Variants in CAMTA1 observed in about 807,000 individuals in gnomAD.
The protein encoded by CAMTA1 is calmodulin-binding transcription activator 1.
CAMTA1 carries 27 observed loss-of-function variants against 170.9 expected under a neutral mutation model. The observed-to-expected ratio is 0.16, with a 90% CI of 0.12 to 0.22. The LOEUF is 0.22. Among genes scored for constraint, CAMTA1 ranks in the 10% least tolerant of loss-of-function variants. The pLI is 1.00. For missense variants in CAMTA1, 1,619 were observed against 2,217.2 expected (o/e 0.73, Z 5.42); for synonymous variants, 833 against 891.5 (o/e 0.93, Z 1.17).
At chr1:7,313,815 T>C (rs994796024) in intron 5 of CAMTA1, among the ~76,000 whole-genome samples, 2 of 152,154 alleles carry the variant, frequency 1.3e-5, no homozygotes, top group African/African-American at 4.8e-5. Context: ...AGACAGTGCC[T>C]GTGAAAAGGC....
intron 4 of CAMTA1, among the ~76,000 whole-genome samples, chr1:7,210,932 A>G (rs1043848020): frequency 2.6e-5 from 4 of 152,228 alleles, no homozygotes; most frequent in African/African-American, 9.6e-5. Flanking sequence ...AGCCCTTTCA[A>G]TTTGGCTACT....
chr1:6,991,999 G>T (rs1448104522), intron 3 of CAMTA1, among the ~76,000 whole-genome samples: 1 of 151,834 alleles, frequency 6.6e-6, no homozygotes, highest in Admixed American at 6.6e-5. Flanking sequence ...ACTGTGCCCG[G>T]CTTTTGTTTA....
At position 7,011,331 on chromosome 1, in the gene CAMTA1, C is replaced by A. The variant is rs114970437; in HGVS notation, c.235-79973C>A. 5.3e-3 allele frequency among the ~76,000 whole-genome samples: 810 copies of A among 152,290 alleles called. 8 individuals are homozygous for A. The highest frequency in any genetic ancestry group is 0.018 in the African/African-American group (762 of 41,552). On this transcript the variant is annotated intron_variant, in intron 3 of 22. Coordinates refer to ENST00000303635, the MANE Select transcript of CAMTA1 (RefSeq NM_015215.4). Reference sequence around the variant, plus strand: ...ATGATGCTGGGATTACATGCATGAGCTACTGTGCCCTGCCTGGATTGTAAC... The same window carrying A: ...ATGATGCTGGGATTACATGCATGAGATACTGTGCCCTGCCTGGATTGTAAC...
At chr1:7,655,980 G>A (rs2095899731) in intron 7 of CAMTA1, among the ~76,000 whole-genome samples, 1 of 152,218 alleles carries the variant, frequency 6.6e-6, no homozygotes. Context: ...CCCCATGGGA[G>A]GGATTAAACT....
intron 3 of CAMTA1, among the ~76,000 whole-genome samples, chr1:6,988,388 C>T (rs777708380): frequency 3.5e-4 from 54 of 152,288 alleles, no homozygotes; most frequent in African/African-American, 9.6e-4. Context: ...ACTATTGAAA[C>T]GAGCCTTTCA....
intron 3 of CAMTA1, among the ~76,000 whole-genome samples, chr1:6,961,874 ACGGC>A (rs1690476237): frequency 3.9e-5 from 6 of 152,060 alleles, no homozygotes; most frequent in Admixed American, 6.5e-5. Context: ...CCCTGGGAGG[ACGGC>A]CAGAGTGCGC....
Position 7,563,771 on chromosome 1 carries a change from CT to C in CAMTA1, c.511-76628del, listed in dbSNP as rs2094995138. On this transcript the variant is annotated intron_variant, in intron 6 of 22. Coordinates refer to ENST00000303635, the MANE Select transcript of CAMTA1 (RefSeq NM_015215.4). The stretch of plus-strand genomic sequence containing the variant: ...CAGCGACTTGTTGAATGCTATATGG[CT>C]CTGCAAAGTAGAGGCTCCTGCATTT... Among the ~76,000 whole-genome samples the C allele has an allele frequency of 7.2e-5, 11 of 152,316 alleles. No individual in the cohort carries two copies. In the South Asian group the frequency reaches 2.3e-3, roughly 32 times the overall value.
At chr1:6,896,114 C>G (rs1675618530) in intron 3 of CAMTA1, among the ~76,000 whole-genome samples, 1 of 152,120 alleles carries the variant, frequency 6.6e-6, no homozygotes, top group South Asian at 2.1e-4. Flanking sequence ...CAAATTCTTG[C>G]CCACATTTTT....
intron 6 of CAMTA1, among the ~76,000 whole-genome samples, chr1:7,543,948 C>G (rs2094650691): frequency 6.6e-6 from 1 of 151,952 alleles, no homozygotes; most frequent in Admixed American, 6.6e-5. Flanking sequence ...TTAAACCAAG[C>G]TTAGTTTAAT....
At chr1:7,347,725 C>T (rs74052951) in intron 5 of CAMTA1, among the ~76,000 whole-genome samples, 4,629 of 151,654 alleles carry the variant, frequency 0.031, 162 homozygotes, top group African/African-American at 0.084. Flanking sequence ...CAATCCAGGA[C>T]CCCCCCGGCT....
At chr1:6,885,774 C>A (rs1352164099) in intron 3 of CAMTA1, among the ~76,000 whole-genome samples, 2 of 152,186 alleles carry the variant, frequency 1.3e-5, no homozygotes, top group African/African-American at 2.4e-5. Context: ...CATGCCCCAC[C>A]CAGCTGCATC....
At chr1:7,043,962 C>T (rs547303398) in intron 3 of CAMTA1, among the ~76,000 whole-genome samples, 23 of 152,284 alleles carry the variant, frequency 1.5e-4, no homozygotes, top group South Asian at 6.2e-4. Flanking sequence ...GATGCAGGAG[C>T]TCACATTCCT....
At chr1:7,406,618 A>ACATG (rs2090309608) in intron 5 of CAMTA1, among the ~76,000 whole-genome samples, 1 of 152,032 alleles carries the variant, frequency 6.6e-6, no homozygotes, top group South Asian at 2.1e-4. Context: ...ACACACACAC[A>ACATG]CATGCATGCA....
At chr1:7,037,500 T>C (rs1018303466) in intron 3 of CAMTA1, among the ~76,000 whole-genome samples, 3 of 152,222 alleles carry the variant, frequency 2.0e-5, no homozygotes, top group African/African-American at 7.2e-5. Flanking sequence ...CATTGGGCTT[T>C]ATGCTACTTC....
chr1:7,273,580 C>T (rs1670160309), intron 5 of CAMTA1, among the ~76,000 whole-genome samples: 1 of 152,030 alleles, frequency 6.6e-6, no homozygotes, highest in African/African-American at 2.4e-5. Flanking sequence ...GTGTGTGTGT[C>T]AGGTAGGGAT....
chr1:6,836,943 C>CTTT (rs780894298), intron 3 of CAMTA1, among the ~76,000 whole-genome samples: 1 of 137,334 alleles, frequency 7.3e-6, no homozygotes, highest in African/African-American at 2.7e-5. Flanking sequence ...TGAAGGAGTT[C>CTTT]TTTTTTTTTT....
chr1:7,527,754 C>T (rs1328909602), intron 6 of CAMTA1, among the ~76,000 whole-genome samples: 2 of 152,198 alleles, frequency 1.3e-5, no homozygotes, highest in Admixed American at 1.3e-4. Context: ...TTCATGCCCC[C>T]AACCAGCTAA....
At chr1:7,692,834 C>G (rs1007567152) in intron 11 of CAMTA1, among the ~76,000 whole-genome samples, 2 of 152,162 alleles carry the variant, frequency 1.3e-5, no homozygotes, top group Non-Finnish European at 2.9e-5. Context: ...AAGGCTTTAC[C>G]CATCAACCAG....
At chr1:7,613,136 A>C (rs1476165774) in intron 6 of CAMTA1, among the ~76,000 whole-genome samples, 1 of 152,198 alleles carries the variant, frequency 6.6e-6, no homozygotes, top group Admixed American at 6.5e-5. Context: ...CCAGGAGAGA[A>C]GAGCAGGAAG....
Sources: gnomAD v4.1 joint callset for allele counts (sites outside exome capture counted in the v4.1 genomes callset) on GRCh38, gnomAD v4.1.1 for gene constraint, MANE v1.5 for transcripts, NCBI Gene and HGNC (gene_info 2026-07-23, HGNC 2026-07-21) for gene names.